Variants in MAST3 observed in about 807,000 individuals in gnomAD.
The protein encoded by MAST3 is microtubule associated serine/threonine kinase 3, also known as microtubule-associated serine/threonine-protein kinase 3.
A neutral mutation model predicts 127.0 loss-of-function variants in MAST3; 43 were observed. That is an observed-to-expected ratio of 0.34 (90% CI 0.27 to 0.44). The LOEUF (loss-of-function observed/expected upper bound fraction) is 0.44. MAST3 is among the 20% of genes least tolerant of loss of function. The pLI, the probability that MAST3 is intolerant of heterozygous loss-of-function variation, is 1.00. For missense variants in MAST3, 1,390 were observed against 1,919.1 expected, an observed-to-expected ratio of 0.72 and a Z score of 5.15; for synonymous variants, 785 against 809.2, an observed-to-expected ratio of 0.97 and a Z score of 0.51.
intron 3 of MAST3, among the ~76,000 whole-genome samples, chr19:18,114,721 G>A (rs185186220): frequency 6.6e-5 from 10 of 152,262 alleles, no homozygotes; most frequent in African/African-American, 2.4e-4. Context: ...GGGGTTGGGG[G>A]TGTTGTTGAA....
chr19:18,123,682 G>GC, intron 8 of MAST3, 27 bp downstream of exon 8: 1 of 1,510,806 alleles, frequency 6.6e-7, no homozygotes, highest in South Asian at 1.3e-5. Flanking sequence ...GGCTGGACCA[G>GC]CCCCTGCACT....
intron 3 of MAST3, among the ~76,000 whole-genome samples, chr19:18,114,792 C>A (rs985060741): frequency 4.6e-5 from 7 of 152,126 alleles, no homozygotes; most frequent in African/African-American, 1.7e-4. Flanking sequence ...ACAGCATCGT[C>A]AGAGACACTT....
chr19:18,126,199 G>A (rs1216593067), intron 11 of MAST3, among the ~76,000 whole-genome samples: 3 of 151,638 alleles, frequency 2.0e-5, no homozygotes, highest in Non-Finnish European at 4.4e-5. Context: ...TCCAGCCTGG[G>A]TGACAAAGCC....
At chr19:18,139,241 A>AT in intron 20 of MAST3, 117 bp downstream of exon 20, 1 of 745,680 alleles carries the variant, frequency 1.3e-6, no homozygotes, top group Non-Finnish European at 2.3e-6. Flanking sequence ...AGGTCTTGCT[A>AT]TGCTGCCCAG....
intron 20 of MAST3, among the ~76,000 whole-genome samples, chr19:18,139,995 A>G (rs2042285961): frequency 6.8e-6 from 1 of 146,236 alleles, no homozygotes; most frequent in Admixed American, 6.8e-5. Flanking sequence ...AATTTTTTGT[A>G]TTTTCAGTAG....
rs2043153920 is a variant in MAST3 at position 18,147,522 on chromosome 19, C to T, written c.3406C>T (p.His1136Tyr). ...CCGCAGCTTCTCCTCCGGACTCCAC[C>T]ACTCACTGTCATCCAGTGAGAGCCT... ...TSRSFSSGLH[H>Y]SLSSSESLPG... Residue 1136 changes from histidine (H) to tyrosine (Y), a missense_variant, in exon 27 of 28, where the codon CAC becomes TAC. His to Tyr is a moderately conservative substitution (Grantham distance 83). Transcript: ENST00000687212. 6.2e-7 allele frequency: 1 copy of T among 1,611,338 alleles called. No individual in the cohort carries two copies. The highest frequency in any genetic ancestry group is 1.3e-5 in the African/African-American group (1 of 74,926).
chr19:18,144,614 C>A lies in MAST3; in HGVS notation c.2733C>A (p.Ser911Arg), dbSNP rs1205720357. The A allele has an allele frequency of 6.2e-7, 1 of 1,611,434 alleles. No individual in the cohort carries two copies. Among genetic ancestry groups the A allele is most frequent in the African/African-American group, 1.3e-5 (1 of 74,940 alleles). The part of the protein sequence containing the change: ...PAPEKSRASS[S>R]GGSGGGSGGR... ...CTGAGAAGTCCAGAGCCTCCTCCAG[C>A]GGTGGCAGTGGTGGCGGCAGTGGGG... Residue 911 changes from serine to arginine, a missense_variant, in exon 23 of 28, where the codon AGC becomes AGA. Around this residue, in one of 5 missense-constraint regions of MAST3, gnomAD observed 816 missense variants for 934.1 expected, o/e 0.87. Transcript: ENST00000687212. This position sits in a 1 kb window ranked among gnomAD's most constrained non-coding sequence, Gnocchi z 4.0.
chr19:18,128,783 G>A (rs1383780877), intron 12 of MAST3, 83 bp from the exon 13 acceptor site: 21 of 1,082,370 alleles, frequency 1.9e-5, no homozygotes, highest in Non-Finnish European at 2.7e-5. Flanking sequence ...CGGGCACCAG[G>A]ACCAGTGGTT....
chr19:18,124,484 A>C, intron 10 of MAST3, 118 bp downstream of exon 10: 1 of 1,335,620 alleles, frequency 7.5e-7, no homozygotes, highest in Non-Finnish European at 1.0e-6. Flanking sequence ...AGAGGAACAC[A>C]GGGTGCTATT....
At position 18,144,760 on chromosome 19, in the gene MAST3, T is replaced by A; in HGVS notation, c.2812+67T>A. The A allele has an allele frequency of 6.5e-7, 1 of 1,547,964 alleles. No homozygotes were observed. Among genetic ancestry groups the A allele is most frequent in the Non-Finnish European group, 8.8e-7 (1 of 1,134,144 alleles). On this transcript the variant is annotated intron_variant, in intron 23 of 27. Transcript: ENST00000687212. The surrounding 1 kb of genome is among the most constrained non-coding windows in gnomAD (Gnocchi z 4.0). ...ATTTTCACCAACAGGGTGGGGGCCCTTCCTGAGTTGGGGAGGCTGGGGATG... is the reference window on the plus strand; with the variant it reads ...ATTTTCACCAACAGGGTGGGGGCCCATCCTGAGTTGGGGAGGCTGGGGATG...
Position 18,144,326 on chromosome 19 carries a change from T to G in MAST3, c.2585-140T>G. On this transcript the variant is annotated intron_variant, in intron 22 of 27. Coordinates refer to ENST00000687212, the MANE Select transcript of MAST3 (RefSeq NM_001393504.1). The surrounding 1 kb of genome is among the most constrained non-coding windows in gnomAD (Gnocchi z 4.0). ...CATAGAGAATAATTTGGGAAGGGAG[T>G]GCAGGAAGAGGGAACTGCATGAGCA... 2 of 778,726 alleles carry G rather than the reference T, an allele frequency of 2.6e-6. No individual in the cohort carries two copies. The highest frequency in any genetic ancestry group is 4.1e-6 in the Non-Finnish European group (2 of 486,764). The allele number at this position is 778,726 out of a possible 1,614,324, so 48.2% of individuals were successfully genotyped here.
chr19:18,132,477 A>T (rs1421190358), intron 15 of MAST3, among the ~76,000 whole-genome samples: 1 of 152,182 alleles, frequency 6.6e-6, no homozygotes. Context: ...GAGACCTTAC[A>T]TGTAAAGACA....
chr19:18,146,866 C>A lies in MAST3; in HGVS notation c.3163-15C>A, dbSNP rs1272238012. 2 of 1,540,752 alleles carry A rather than the reference C, an allele frequency of 1.3e-6. No homozygotes were observed. Among genetic ancestry groups the A allele is most frequent in the African/African-American group, 2.7e-5 (2 of 72,918 alleles). On this transcript the variant is annotated splice_polypyrimidine_tract_variant and intron_variant, in intron 25 of 27. Transcript: ENST00000687212. ...TGAGAGGCACAGAGGCAACCCCTCA[C>A]CATCCCTCCCGCAGAGCGGCAACAA...
At chr19:18,102,182 T>C (rs1040486229) in intron 1 of MAST3, among the ~76,000 whole-genome samples, 3 of 151,310 alleles carry the variant, frequency 2.0e-5, no homozygotes, top group African/African-American at 7.3e-5. Context: ...GCCTGGCCTT[T>C]TTTTTTTGAA....
At chr19:18,124,494 T>A in intron 10 of MAST3, 128 bp downstream of exon 10, 1 of 1,304,440 alleles carries the variant, frequency 7.7e-7, no homozygotes, top group Non-Finnish European at 1.1e-6. Context: ...AGGGTGCTAT[T>A]GGGCTAGCGT....
chr19:18,111,956 A>G (rs2038697954), intron 3 of MAST3, among the ~76,000 whole-genome samples: 1 of 152,240 alleles, frequency 6.6e-6, no homozygotes, highest in Non-Finnish European at 1.5e-5. Flanking sequence ...GCATTGCTAT[A>G]AAGAAAACAT....
intron 13 of MAST3, among the ~76,000 whole-genome samples, chr19:18,130,275 G>A (rs957128521): frequency 1.3e-5 from 2 of 152,154 alleles, no homozygotes; most frequent in African/African-American, 4.8e-5. Flanking sequence ...CAATATACAA[G>A]GGCCATGTGC....
At position 18,146,656 on chromosome 19, in the gene MAST3, C is replaced by T. The variant is rs368150248; in HGVS notation, c.3163-225C>T. On this transcript the variant is annotated intron_variant, in intron 25 of 27. Transcript: ENST00000687212. ...GGTGGAGAGTGAAGAGGGCAGGCCT[C>T]GATCGGCGTTGACCGCAGAGGGAAG... 1.6e-4 allele frequency among the ~76,000 whole-genome samples: 24 copies of T among 152,150 alleles called. No individual in the cohort carries two copies. In the East Asian group the frequency reaches 3.7e-3, roughly 23 times the overall value.
chr19:18,102,946 G>A (rs1156972560), intron 1 of MAST3, among the ~76,000 whole-genome samples: 1 of 152,178 alleles, frequency 6.6e-6, no homozygotes, highest in Non-Finnish European at 1.5e-5. Flanking sequence ...TCAAGGTGGG[G>A]CTAAAGCTTG....
Sources: allele counts gnomAD v4.1 joint callset (sites outside exome capture counted in the v4.1 genomes callset), GRCh38; gene constraint gnomAD v4.1.1; regional missense constraint gnomAD v4.1.1; non-coding constraint Gnocchi (gnomAD v3.1); transcripts MANE v1.5; gene names NCBI Gene and HGNC (gene_info 2026-07-23, HGNC 2026-07-21).